Variants in ACSBG2 observed in about 807,000 individuals in gnomAD.
ACSBG2 encodes acyl-CoA synthetase bubblegum family member 2.
Under a neutral mutation model 74.7 loss-of-function variants are expected in ACSBG2, and 62 were observed. The observed-to-expected ratio is 0.83, with a 90% CI of 0.68 to 1.03. The LOEUF (loss-of-function observed/expected upper bound fraction) is 1.03, where lower values mean the gene tolerates loss of function less well. Ranked by LOEUF, ACSBG2 falls within the 50% of genes least tolerant of loss-of-function variation. ACSBG2 has a pLI of 0.00. For synonymous variants in ACSBG2, 309 were observed against 294.1 expected, an observed-to-expected ratio of 1.05 and a Z score of -0.52; for missense variants, 730 against 817.6, an observed-to-expected ratio of 0.89 and a Z score of 1.31.
intron 3 of ACSBG2, among the ~76,000 whole-genome samples, chr19:6,148,535 A>G (rs907043375): frequency 1.3e-5 from 2 of 151,986 alleles, no homozygotes; most frequent in African/African-American, 2.4e-5. Flanking sequence ...AGTCCCAGCT[A>G]TCAGGAGGCT....
chr19:6,145,313 A>C (rs569788380), intron 2 of ACSBG2, among the ~76,000 whole-genome samples: 53 of 151,954 alleles, frequency 3.5e-4, no homozygotes, highest in African/African-American at 1.3e-3. Context: ...GGGGAATCAC[A>C]TGATCCCAGG....
Position 6,182,844 on chromosome 19 carries a change from A to G in ACSBG2, c.1000A>G (p.Asn334Asp). 1 of 1,614,172 alleles carries G rather than the reference A, an allele frequency of 6.2e-7. No homozygotes were observed. The highest frequency in any genetic ancestry group is 8.5e-7 in the Non-Finnish European group (1 of 1,180,028). Residue 334 changes from asparagine (N) to aspartate (D), a missense_variant, in exon 9 of 15, where the codon AAT becomes GAT. By Grantham distance (23) the Asn-to-Asp change is conservative. Transcript: ENST00000588485. ...GAAGATACATGAGATGGTGAAGAAA[A>G]ATAGTGCCAAGTCCATGGGCTTGAA... is the stretch of plus-strand genomic sequence containing the variant. Reference protein sequence around the residue: ...WEKIHEMVKKNSAKSMGLKKK... With the variant: ...WEKIHEMVKKDSAKSMGLKKK...
At chr19:6,177,156 A>C in intron 7 of ACSBG2, 73 bp from the exon 8 acceptor site, 1 of 1,529,974 alleles carries the variant, frequency 6.5e-7, no homozygotes, top group Non-Finnish European at 8.8e-7. Flanking sequence ...TGTCTGAAAA[A>C]TAAATAAAAA....
intron 5 of ACSBG2, 139 bp downstream of exon 5, chr19:6,156,690 A>C (rs2089433922): frequency 1.2e-6 from 1 of 861,064 alleles, no homozygotes; most frequent in East Asian, 3.2e-5. Flanking sequence ...CCATGACCTC[A>C]TTAGTATATG....
chr19:6,187,862 T>C lies in ACSBG2; in HGVS notation c.1927+17T>C. ...GAGAGCTAGGTGAGTGGCCATGACA[T>C]TTGGAGGCTGGTCCCTTGTTAGCAT... On this transcript the variant is annotated intron_variant, in intron 13 of 14. Coordinates refer to ENST00000588485, the MANE Select transcript of ACSBG2 (RefSeq NM_030924.5). 2 of 1,612,160 alleles carry C rather than the reference T, an allele frequency of 1.2e-6. No individual in the cohort carries two copies. The highest frequency in any genetic ancestry group is 8.5e-7 in the Non-Finnish European group (1 of 1,178,828).
intron 1 of ACSBG2, among the ~76,000 whole-genome samples, chr19:6,139,058 C>T (rs1007469299): frequency 1.3e-5 from 2 of 151,408 alleles, no homozygotes; most frequent in Non-Finnish European, 2.9e-5. Flanking sequence ...TAGGCTCATT[C>T]AAGTTCACTT....
chr19:6,168,379 C>T (rs1164050485), intron 7 of ACSBG2, among the ~76,000 whole-genome samples: 4 of 152,172 alleles, frequency 2.6e-5, no homozygotes, highest in African/African-American at 9.7e-5. Flanking sequence ...AAATAGCAAA[C>T]AATAAACCAC....
In ACSBG2 at chr19:6,161,366, G is replaced by A. The variant is rs928001385; in HGVS notation, c.588+71G>A. ...TGCAAGAAAAGTGGGCGTGGCCTAA[G>A]TGGAAGGTGAGCAGAGGGAGGAGGT... is the stretch of plus-strand genomic sequence containing the variant. On this transcript the variant is annotated intron_variant, in intron 6 of 14. Transcript: ENST00000588485. The A allele has an allele frequency of 2.0e-5, 29 of 1,469,610 alleles. No individual in the cohort carries two copies. The African/African-American group carries it at 3.9e-4, about 20-fold the overall frequency. The allele number at this position is 1,469,610 out of a possible 1,614,324, so 91.0% of individuals were successfully genotyped here. A position where few individuals can be genotyped will look rare whatever the true frequency, so the allele number is the denominator to read the frequency against.
intron 1 of ACSBG2, among the ~76,000 whole-genome samples, chr19:6,139,799 C>T (rs2088747907): frequency 6.6e-6 from 1 of 152,188 alleles, no homozygotes. Flanking sequence ...TGATTTTAGG[C>T]CAGGTGTGGT....
Position 6,190,667 on chromosome 19 carries a change from T to C in ACSBG2, c.*10T>C. ...TCACATGTACCACTGACTGCTTTGA[T>C]GGAGCTGCTCTCAGCTGTTCTGATG... On this transcript the variant is annotated 3_prime_UTR_variant, in exon 14 of 15. Transcript: ENST00000588485. The C allele has an allele frequency of 1.2e-6, 2 of 1,613,526 alleles. No homozygotes were observed. The highest frequency in any genetic ancestry group is 1.7e-6 in the Non-Finnish European group (2 of 1,179,420).
chr19:6,165,155 G>A (rs1033006146), intron 6 of ACSBG2, among the ~76,000 whole-genome samples: 1 of 152,138 alleles, frequency 6.6e-6, no homozygotes, highest in Non-Finnish European at 1.5e-5. Flanking sequence ...CTGGAACCAG[G>A]GGCTCAAAGA....
chr19:6,190,808 T>TACACAC (rs1161207580), intron 14 of ACSBG2, 116 bp downstream of exon 14: 31 of 387,586 alleles, frequency 8.0e-5, no homozygotes, highest in East Asian at 2.5e-4. Context: ...CATACACACA[T>TACACAC]ACATACACAC....
At chr19:6,152,215 C>A (rs950495606) in intron 4 of ACSBG2, among the ~76,000 whole-genome samples, 26 of 151,828 alleles carry the variant, frequency 1.7e-4, no homozygotes, top group African/African-American at 5.8e-4. Flanking sequence ...TGGGCTCATG[C>A]GATCCTCCCA....
intron 1 of ACSBG2, 24 bp from the exon 2 acceptor site, chr19:6,141,489 A>G: frequency 8.1e-7 from 1 of 1,229,946 alleles, no homozygotes; most frequent in East Asian, 2.3e-5. Flanking sequence ...ATCCTGTTAA[A>G]CTCCCTGCTT....
intron 5 of ACSBG2, among the ~76,000 whole-genome samples, chr19:6,158,060 C>CT (rs11359693): frequency 3.5e-4 from 46 of 132,392 alleles, no homozygotes; most frequent in Non-Finnish European, 3.2e-4. Context: ...CTTTTTTTTT[C>CT]TTTTTTTTTT....
rs35422900 is a variant in ACSBG2 at position 6,166,280 on chromosome 19, T to TTGTGTGTGTGTGTGTGTG, written c.738+299_738+316dup. ...GATTCCTCTGTGTGAGTCAGGAAGG[T>TTGTGTGTGTGTGTGTGTG]TGTGTGTGTGTGTGTGTGTGTGTGT... is the stretch of plus-strand genomic sequence containing the variant. On this transcript the variant is annotated intron_variant, in intron 7 of 14. Transcript: ENST00000588485. 7.9e-3 allele frequency among the ~76,000 whole-genome samples: 945 copies of TTGTGTGTGTGTGTGTGTG among 119,112 alleles called. 55 individuals carry two copies. The highest frequency in any genetic ancestry group is 0.029 in the African/African-American group (764 of 26,550). 78.1% of individuals were successfully genotyped at this position (119,112 alleles called of 152,430 possible).
In ACSBG2 at chr19:6,174,482, G is replaced by A. The variant is rs1467154744; in HGVS notation, c.739-2747G>A. 6.6e-6 allele frequency among the ~76,000 whole-genome samples: 1 copy of A among 152,164 alleles called. No individual in the cohort carries two copies. The highest frequency in any genetic ancestry group is 1.5e-5 in the Non-Finnish European group (1 of 68,034). ...ACATAAAATGCTTAGAACAATGCCT[G>A]GCATACAGGAAGCCATGTCAAGGAT... On this transcript the variant is annotated intron_variant, in intron 7 of 14. Transcript: ENST00000588485. This position sits in a 1 kb window ranked among gnomAD's most constrained non-coding sequence, Gnocchi z 4.2.
At chr19:6,141,636 G>GGCCGGGCGCGGTGGCTC in intron 2 of ACSBG2, 26 bp downstream of exon 2, 1 of 1,392,206 alleles carries the variant, frequency 7.2e-7, no homozygotes, top group Non-Finnish European at 1.0e-6. Flanking sequence ...GAGTACGTGG[G>GGCCGGGCGCGGTGGCTC]AGAGAGAGTG....
chr19:6,190,792 C>A lies in ACSBG2; in HGVS notation c.*35+100C>A, dbSNP rs2090539562. 3.3e-5 allele frequency: 18 copies of A among 553,248 alleles called. 1 individual carries two copies. The highest frequency in any genetic ancestry group is 4.2e-5 in the Non-Finnish European group (13 of 308,766). The allele number at this position is 553,248 out of a possible 1,614,324, so 34.3% of individuals were successfully genotyped here. On this transcript the variant is annotated intron_variant, in intron 14 of 14. Coordinates refer to ENST00000588485, the MANE Select transcript of ACSBG2 (RefSeq NM_030924.5). ...GATCTGTGACTGGAACTGCAGAAAA[C>A]ACACACATACACACATACATACACA...
Sources: allele counts gnomAD v4.1 joint callset (sites outside exome capture counted in the v4.1 genomes callset), GRCh38; gene constraint gnomAD v4.1.1; non-coding constraint Gnocchi (gnomAD v3.1); transcripts MANE v1.5; gene names NCBI Gene and HGNC (gene_info 2026-07-23, HGNC 2026-07-21).